Variants in MCPH1 observed in about 807,000 individuals in gnomAD.
MCPH1 encodes the protein microcephalin.
Under a neutral mutation model 84.5 loss-of-function variants are expected in MCPH1, and 104 were observed. That is an observed-to-expected ratio of 1.23 (90% CI 1.05 to 1.45). The LOEUF (loss-of-function observed/expected upper bound fraction) is 1.45, where lower values mean the gene tolerates loss of function less well. MCPH1 is among the 40% of genes most tolerant of loss of function. The pLI is 0.00. For missense variants in MCPH1, 1,498 were observed against 1,005.7 expected (o/e 1.49, Z -6.62); for synonymous variants, 514 against 366.8 (o/e 1.40, Z -4.58).
chr8:6,629,325 G>A (rs71525743), intron 13 of MCPH1, among the ~76,000 whole-genome samples: 5,110 of 152,270 alleles, frequency 0.034, 222 homozygotes, highest in East Asian at 0.24. Context: ...AGCTGGGCAT[G>A]GTTGTGGGCA....
intron 11 of MCPH1, among the ~76,000 whole-genome samples, chr8:6,490,232 A>G (rs1250128945): frequency 2.6e-5 from 4 of 152,218 alleles, no homozygotes; most frequent in East Asian, 3.8e-4. Flanking sequence ...TGACATCTCA[A>G]TCACACAGTT....
rs1397109550 is a variant in MCPH1, at chr8:6,647,443, G to C, written c.*4394G>C. On this transcript the variant is annotated 3_prime_UTR_variant, in exon 14 of 14. Coordinates refer to ENST00000344683, the MANE Select transcript of MCPH1 (RefSeq NM_024596.5). ...TCTCAGGTATATAACCAAAATACAT[G>C]AAAACATGGATCTGCACAAGGTCTT... The C allele has an allele frequency of 6.6e-6, 1 of 152,180 alleles. No individual in the cohort carries two copies. The highest frequency in any genetic ancestry group is 6.5e-5 in the Admixed American group (1 of 15,286). The allele number at this position is 152,180 out of a possible 1,614,324, so 9.4% of individuals were successfully genotyped here.
intron 12 of MCPH1, chr8:6,501,868 AT>A (rs2129562953): frequency 6.6e-6 from 1 of 151,052 alleles, no homozygotes; most frequent in South Asian, 2.1e-4. Flanking sequence ...GTGTTCTCAA[AT>A]TTTTGGTAAA....
intron 13 of MCPH1, among the ~76,000 whole-genome samples, chr8:6,639,561 G>A (rs73184466): frequency 0.061 from 9,205 of 151,886 alleles, 383 homozygotes; most frequent in Middle Eastern, 0.13. Flanking sequence ...TACTCAGGAC[G>A]TCAAGGTGGG....
At chr8:6,471,521 G>A (rs1431644410) in intron 9 of MCPH1, among the ~76,000 whole-genome samples, 2 of 152,180 alleles carry the variant, frequency 1.3e-5, no homozygotes, top group African/African-American at 4.8e-5. Context: ...GGAGATACAG[G>A]CAGAGGGAGA....
chr8:6,455,236 G>C lies in MCPH1; in HGVS notation c.1919G>C (p.Ser640Thr). 6.2e-7 allele frequency: 1 copy of C among 1,613,136 alleles called. No individual in the cohort carries two copies. Among genetic ancestry groups the C allele is most frequent in the Non-Finnish European group, 8.5e-7 (1 of 1,179,096 alleles). Residue 640 changes from serine to threonine, a missense_variant, in exon 9 of 14, where the codon AGT (serine) becomes ACT (threonine). Ser to Thr is a moderately conservative substitution (Grantham distance 58). Coordinates refer to ENST00000344683, the MANE Select transcript of MCPH1 (RefSeq NM_024596.5). ...LIKPHEELKK[S>T]GRGKKPTRTL... ...AAACCTCATGAGGAATTGAAGAAAA[G>C]TGGGAGAGGCAAAAAGGTCAGTGTG...
At chr8:6,586,641 C>A (rs17077612) in intron 12 of MCPH1, among the ~76,000 whole-genome samples, 1 of 152,012 alleles carries the variant, frequency 6.6e-6, no homozygotes, top group African/African-American at 2.4e-5. Context: ...CAGTGAGAGA[C>A]GGCCAGGAGA....
intron 9 of MCPH1, chr8:6,477,326 G>A: frequency 6.9e-6 from 3 of 436,254 alleles, no homozygotes; most frequent in Non-Finnish European, 1.2e-5. Context: ...GCTAACTGGT[G>A]GAACAGATTC....
At chr8:6,623,802 A>C (rs1434106492) in intron 13 of MCPH1, among the ~76,000 whole-genome samples, 1 of 150,678 alleles carries the variant, frequency 6.6e-6, no homozygotes, top group Non-Finnish European at 1.5e-5. Flanking sequence ...AAAACATCCT[A>C]TGTTCTGAAA....
At chr8:6,587,958 G>A (rs1828125638) in intron 12 of MCPH1, among the ~76,000 whole-genome samples, 1 of 152,194 alleles carries the variant, frequency 6.6e-6, no homozygotes, top group South Asian at 2.1e-4. Flanking sequence ...AGTCCTTAGA[G>A]CTCAGGCTCC....
At chr8:6,531,377 C>T (rs1039769957) in intron 12 of MCPH1, among the ~76,000 whole-genome samples, 12 of 152,006 alleles carry the variant, frequency 7.9e-5, no homozygotes, top group Admixed American at 3.9e-4. Context: ...CAGCCTCTGC[C>T]TCCTGGGTTG....
At chr8:6,629,500 C>T (rs573601388) in intron 13 of MCPH1, among the ~76,000 whole-genome samples, 3 of 152,180 alleles carry the variant, frequency 2.0e-5, no homozygotes, top group African/African-American at 7.2e-5. Context: ...CAAAGAAACA[C>T]CAAAGATATT....
chr8:6,431,611 T>G, intron 4 of MCPH1, 25 bp downstream of exon 4: 2 of 1,412,112 alleles, frequency 1.4e-6, no homozygotes, highest in Non-Finnish European at 2.0e-6. Flanking sequence ...TCAATGTAGA[T>G]AATGGCAATT....
intron 12 of MCPH1, among the ~76,000 whole-genome samples, chr8:6,522,554 A>C (rs1484734547): frequency 2.0e-5 from 3 of 152,006 alleles, no homozygotes; most frequent in African/African-American, 7.3e-5. Flanking sequence ...CAGGTGTATC[A>C]CTAGAGTCCA....
At chr8:6,582,153 A>G (rs2129577097) in intron 12 of MCPH1, among the ~76,000 whole-genome samples, 1 of 152,320 alleles carries the variant, frequency 6.6e-6, no homozygotes, top group South Asian at 2.1e-4. Context: ...CAGGGGTCTC[A>G]AGCTGCCTTC....
intron 12 of MCPH1, among the ~76,000 whole-genome samples, chr8:6,547,848 GGTTT>G (rs1045981444): frequency 8.6e-5 from 13 of 151,688 alleles, no homozygotes; most frequent in South Asian, 2.1e-4. Context: ...CCTATTGTTA[GGTTT>G]GTTTGTTTGT....
At chr8:6,557,762 A>G (rs868263530) in intron 12 of MCPH1, among the ~76,000 whole-genome samples, 1 of 151,944 alleles carries the variant, frequency 6.6e-6, no homozygotes, top group Non-Finnish European at 1.5e-5. Context: ...CTGACTTGCC[A>G]TTAAGTACCG....
chr8:6,643,125 C>G lies in MCPH1; in HGVS notation c.*76C>G. 1 of 1,293,024 alleles carries G rather than the reference C, an allele frequency of 7.7e-7. No homozygotes were observed. 80.1% of individuals were successfully genotyped at this position (1,293,024 alleles called of 1,614,324 possible). A position where few individuals can be genotyped will look rare whatever the true frequency, so the allele number is the denominator to read the frequency against. On this transcript the variant is annotated 3_prime_UTR_variant, in exon 14 of 14. Coordinates refer to ENST00000344683, the MANE Select transcript of MCPH1 (RefSeq NM_024596.5). ...TTGGATGTTCAAATGAGAAACAAAACTGTGAAGAGAAGGAACTGGCGTATA... is the reference window on the plus strand; with the variant it reads ...TTGGATGTTCAAATGAGAAACAAAAGTGTGAAGAGAAGGAACTGGCGTATA...
chr8:6,570,768 C>T (rs1384959709), intron 12 of MCPH1, among the ~76,000 whole-genome samples: 5 of 144,954 alleles, frequency 3.4e-5, no homozygotes, highest in East Asian at 2.0e-4. Context: ...ATTGTGAAAT[C>T]GTGTGTGAAT....
Sources: allele counts gnomAD v4.1 joint callset (sites outside exome capture counted in the v4.1 genomes callset), GRCh38; gene constraint gnomAD v4.1.1; transcripts MANE v1.5; gene names NCBI Gene and HGNC (gene_info 2026-07-23, HGNC 2026-07-21).